The following RAP1GAP2 variants were observed in gnomAD, a reference collection of about 807,000 sequenced individuals.
The protein encoded by RAP1GAP2 is rap1 GTPase-activating protein 2.
In RAP1GAP2, 27 loss-of-function variants were observed where a neutral mutation model predicts 95.0. The ratio of observed to expected loss-of-function variants is 0.28; its 90% CI spans 0.21 to 0.39. The LOEUF (loss-of-function observed/expected upper bound fraction) is 0.39. RAP1GAP2 is among the 10% of genes least tolerant of loss of function. The probability of loss-of-function intolerance (pLI) is 1.00; values close to 1 mark genes in which losing one functional copy is unlikely to be tolerated. For missense variants in RAP1GAP2, 771 were observed against 970.0 expected, an observed-to-expected ratio of 0.79 and a Z score of 2.72; for synonymous variants, 373 against 380.9, an observed-to-expected ratio of 0.98 and a Z score of 0.24.
chr17:2,868,313 C>T (rs1418616276), intron 2 of RAP1GAP2, among the ~76,000 whole-genome samples: 1 of 152,134 alleles, frequency 6.6e-6, no homozygotes, highest in Non-Finnish European at 1.5e-5. Flanking sequence ...TAGAGATAGG[C>T]ACCTCTAGAT....
chr17:2,905,182 C>A (rs1187351528), intron 2 of RAP1GAP2, 102 bp from the exon 3 acceptor site: 5 of 1,105,558 alleles, frequency 4.5e-6, no homozygotes, highest in Non-Finnish European at 2.6e-6. Flanking sequence ...CCAACCCAGC[C>A]TGCATTGTAT....
chr17:3,033,414 A>T lies in RAP1GAP2; in HGVS notation c.*53A>T, dbSNP rs2047390737. ...CAGGGAATCCCCTCTTCTGTCCTGGAAAAGGCTCCTGTACCAGCAGTTTGG... is the reference window on the plus strand; with the variant it reads ...CAGGGAATCCCCTCTTCTGTCCTGGTAAAGGCTCCTGTACCAGCAGTTTGG... On this transcript the variant is annotated 3_prime_UTR_variant, in exon 25 of 25. Coordinates refer to ENST00000254695, the MANE Select transcript of RAP1GAP2 (RefSeq NM_015085.5). This position sits in a 1 kb window ranked among gnomAD's most constrained non-coding sequence, Gnocchi z 4.9. 3 of 153,032 alleles carry T rather than the reference A, an allele frequency of 2.0e-5. No homozygotes were observed. The South Asian group carries it at 6.2e-4, about 32-fold the overall frequency. 9.5% of individuals were successfully genotyped at this position (153,032 alleles called of 1,614,324 possible).
In RAP1GAP2 at chr17:2,870,578, G is replaced by T. The variant is rs1017198755; in HGVS notation, c.81-34706G>T. Among the ~76,000 whole-genome samples the T allele has an allele frequency of 2.6e-5, 4 of 151,984 alleles. No homozygotes were observed. Among genetic ancestry groups the T allele is most frequent in the Middle Eastern group, 3.2e-3 (1 of 316 alleles). On this transcript the variant is annotated intron_variant, in intron 2 of 24. Coordinates refer to ENST00000254695, the MANE Select transcript of RAP1GAP2 (RefSeq NM_015085.5). This position sits in a 1 kb window ranked among gnomAD's most constrained non-coding sequence, Gnocchi z 4.4. ...TATTAACGTTTAATATTTTTTTTGT[G>T]GTCTTTTTTTTCTATGCAAAAGCAC...
rs545577469 is a variant in RAP1GAP2 at position 2,851,783 on chromosome 17, G to A, written c.80+51233G>A. On this transcript the variant is annotated intron_variant, in intron 2 of 24. Coordinates refer to ENST00000254695, the MANE Select transcript of RAP1GAP2 (RefSeq NM_015085.5). ...GGTGGGGTCTCACTATGTTGCCCAG[G>A]CTGGTCTAGAACTCCTGGTCTCAAC... 7.2e-5 allele frequency among the ~76,000 whole-genome samples: 11 copies of A among 152,200 alleles called. 1 individual carries two copies. The South Asian group carries it at 2.1e-3, about 29-fold the overall frequency.
chr17:2,995,529 C>G, intron 13 of RAP1GAP2, 63 bp downstream of exon 13: 1 of 1,600,118 alleles, frequency 6.2e-7, no homozygotes, highest in East Asian at 2.2e-5. Context: ...TGCCTCTGGT[C>G]TGACCTGCTA....
At chr17:2,880,900 G>T (rs2073260229) in intron 2 of RAP1GAP2, among the ~76,000 whole-genome samples, 1 of 152,176 alleles carries the variant, frequency 6.6e-6, no homozygotes, top group South Asian at 2.1e-4. Context: ...GCCGAGGCGG[G>T]TGGATCATTT....
At chr17:2,886,354 G>A (rs1051606314) in intron 2 of RAP1GAP2, among the ~76,000 whole-genome samples, 4 of 151,792 alleles carry the variant, frequency 2.6e-5, no homozygotes, top group Non-Finnish European at 5.9e-5. Flanking sequence ...TGTATTTTTA[G>A]TAGAGATGAG....
chr17:2,826,870 G>A (rs1157322763), intron 2 of RAP1GAP2, among the ~76,000 whole-genome samples: 1 of 152,176 alleles, frequency 6.6e-6, no homozygotes, highest in Admixed American at 6.6e-5. Flanking sequence ...GCTGGGCGTG[G>A]TGGCGTACGC....
At chr17:2,814,680 C>G (rs936333614) in intron 2 of RAP1GAP2, among the ~76,000 whole-genome samples, 2 of 152,096 alleles carry the variant, frequency 1.3e-5, no homozygotes, top group Non-Finnish European at 2.9e-5. Context: ...GTGGCTGTCC[C>G]CTCCCTACCT....
At chr17:2,932,222 C>G (rs1029114018) in intron 3 of RAP1GAP2, among the ~76,000 whole-genome samples, 1 of 152,112 alleles carries the variant, frequency 6.6e-6, no homozygotes, top group Non-Finnish European at 1.5e-5. Flanking sequence ...CTGTGTTTTC[C>G]TCCTTCGCGC....
At chr17:2,780,945 G>A (rs867585001) in intron 1 of RAP1GAP2, among the ~76,000 whole-genome samples, 1 of 152,188 alleles carries the variant, frequency 6.6e-6, no homozygotes, top group Non-Finnish European at 1.5e-5. Flanking sequence ...GTTTTTGGGT[G>A]TGTTTTGTGT....
intron 2 of RAP1GAP2, among the ~76,000 whole-genome samples, chr17:2,824,758 A>G (rs933492394): frequency 4.6e-5 from 7 of 151,732 alleles, no homozygotes; most frequent in East Asian, 1.9e-4. Context: ...AAAAAAAAAA[A>G]AAAAAGAAAT....
At chr17:2,775,919 C>T (rs1357717886), upstream of RAP1GAP2, among the ~76,000 whole-genome samples, 1 of 152,230 alleles carries the variant, frequency 6.6e-6, no homozygotes, top group Non-Finnish European at 1.5e-5. Context: ...TGGCTCATGC[C>T]TGTCATCTCA....
intron 2 of RAP1GAP2, among the ~76,000 whole-genome samples, chr17:2,863,085 C>CT (rs2072475066): frequency 6.6e-6 from 1 of 151,390 alleles, no homozygotes; most frequent in Non-Finnish European, 1.5e-5. Flanking sequence ...CCGGGGTACC[C>CT]TTTATACCCA....
At chr17:2,842,656 T>G (rs2151573975) in intron 2 of RAP1GAP2, among the ~76,000 whole-genome samples, 1 of 152,198 alleles carries the variant, frequency 6.6e-6, no homozygotes, top group South Asian at 2.1e-4. Flanking sequence ...AGAGAGACCT[T>G]TGAGTCGAGC....
intron 12 of RAP1GAP2, among the ~76,000 whole-genome samples, chr17:2,992,861 T>C (rs2045812519): frequency 6.6e-6 from 1 of 152,136 alleles, no homozygotes; most frequent in Non-Finnish European, 1.5e-5. Context: ...TTATTAGCTC[T>C]GTGACTTTGG....
In RAP1GAP2 at chr17:2,962,542, A is replaced by G. The variant is rs985510176; in HGVS notation, c.202-128A>G. The stretch of plus-strand genomic sequence containing the variant: ...GCCCCTGGCCAGGTGTGATGTGTGC[A>G]GGCCCAGCACGGGCCAGCTTTTGCT... On this transcript the variant is annotated intron_variant, in intron 4 of 24. Transcript: ENST00000254695. The G allele has an allele frequency of 4.0e-6, 4 of 991,756 alleles. No individual in the cohort carries two copies. The African/African-American group carries it at 6.6e-5, about 16-fold the overall frequency. The allele number at this position is 991,756 out of a possible 1,614,324, so 61.4% of individuals were successfully genotyped here.
At chr17:2,771,369 G>A (rs1449859111) in intron 2 of RAP1GAP2, among the ~76,000 whole-genome samples, 1 of 152,044 alleles carries the variant, frequency 6.6e-6, no homozygotes, top group Non-Finnish European at 1.5e-5. Context: ...GGCCAGCATC[G>A]GCAGTCACAA....
At chr17:2,845,345 A>G (rs1279683907) in intron 2 of RAP1GAP2, among the ~76,000 whole-genome samples, 1 of 151,816 alleles carries the variant, frequency 6.6e-6, no homozygotes, top group Non-Finnish European at 1.5e-5. Flanking sequence ...GTTTCACCAT[A>G]TTGGCCAGAC....
Sources: allele counts gnomAD v4.1 joint callset (sites outside exome capture counted in the v4.1 genomes callset), GRCh38; gene constraint gnomAD v4.1.1; non-coding constraint Gnocchi (gnomAD v3.1); transcripts MANE v1.5; gene names NCBI Gene and HGNC (gene_info 2026-07-23, HGNC 2026-07-21).